Variants in ZNF536 observed in about 807,000 individuals in gnomAD.
The protein encoded by ZNF536 is zinc finger protein 536.
Under a neutral mutation model 84.5 loss-of-function variants are expected in ZNF536, and 13 were observed. That is an observed-to-expected ratio of 0.15 (90% CI 0.10 to 0.24). The LOEUF (loss-of-function observed/expected upper bound fraction) is 0.24. Ranked by LOEUF, ZNF536 falls within the 10% of genes least tolerant of loss-of-function variation. ZNF536 has a pLI of 1.00. For missense variants in ZNF536, 1,536 were observed against 1,747.5 expected (o/e 0.88, Z 2.16); for synonymous variants, 811 against 742.5 (o/e 1.09, Z -1.50).
chr19:30,322,304 TA>T (rs536596072), intron 2 of ZNF536, among the ~76,000 whole-genome samples: 1 of 152,150 alleles, frequency 6.6e-6, no homozygotes, highest in African/African-American at 2.4e-5. Flanking sequence ...TTTTTCTATA[TA>T]AAAAAATACT....
intron 1 of ZNF536, among the ~76,000 whole-genome samples, chr19:30,598,975 C>CCTT (rs2047568337): frequency 1.2e-5 from 1 of 83,140 alleles, no homozygotes; most frequent in African/African-American, 4.0e-5. Context: ...TTCCCTCCTT[C>CCTT]CCTCCCTCCC....
At chr19:30,543,976 C>T (rs2045442109) in intron 3 of ZNF536, among the ~76,000 whole-genome samples, 1 of 152,146 alleles carries the variant, frequency 6.6e-6, no homozygotes, top group South Asian at 2.1e-4. Context: ...CCCTGTGCCC[C>T]TTGTTGGATA....
At chr19:30,415,331 C>A (rs1388700656) in intron 1 of ZNF536, among the ~76,000 whole-genome samples, 1 of 138,332 alleles carries the variant, frequency 7.2e-6, no homozygotes, top group African/African-American at 2.7e-5. Flanking sequence ...CTTCTTCTTC[C>A]TCTTCTTCTT....
intron 2 of ZNF536, among the ~76,000 whole-genome samples, chr19:30,517,307 A>G (rs971920126): frequency 3.9e-5 from 6 of 151,944 alleles, no homozygotes; most frequent in African/African-American, 7.3e-5. Context: ...TGCCTAACTG[A>G]GATTATTAAG....
chr19:30,395,194 T>C (rs1321079375), intron 1 of ZNF536, among the ~76,000 whole-genome samples: 1 of 152,174 alleles, frequency 6.6e-6, no homozygotes, highest in Non-Finnish European at 1.5e-5. Flanking sequence ...TGAAAAGTGA[T>C]AAAAGAAGGA....
chr19:30,254,897 TAAAA>T (rs2024828767), intron 1 of ZNF536, among the ~76,000 whole-genome samples: 2 of 152,192 alleles, frequency 1.3e-5, no homozygotes, highest in African/African-American at 2.4e-5. Flanking sequence ...GCACTGGACT[TAAAA>T]GTCTTTAAAA....
At position 30,557,244 on chromosome 19, in the gene ZNF536, C is replaced by T. The variant is rs1319798464; in HGVS notation, c.*80C>T. 17 of 1,506,914 alleles carry T rather than the reference C, an allele frequency of 1.1e-5. No individual in the cohort carries two copies. Among genetic ancestry groups the T allele is most frequent in the Non-Finnish European group, 1.4e-5 (15 of 1,085,568 alleles). 93.3% of individuals were successfully genotyped at this position (1,506,914 alleles called of 1,614,324 possible). A position where few individuals can be genotyped will look rare whatever the true frequency, so the allele number is the denominator to read the frequency against. On this transcript the variant is annotated 3_prime_UTR_variant, in exon 5 of 5. Coordinates refer to ENST00000355537, the MANE Select transcript of ZNF536 (RefSeq NM_014717.3). ...CGGTGGTTATCTGCAGCTTGTTAAT[C>T]GTGTAAAGTCAAGAGAAGAATGTAT... is the stretch of plus-strand genomic sequence containing the variant.
At chr19:30,464,481 A>G (rs978925724) in intron 2 of ZNF536, among the ~76,000 whole-genome samples, 9 of 152,134 alleles carry the variant, frequency 5.9e-5, no homozygotes, top group African/African-American at 2.2e-4. Flanking sequence ...AAGGTCAGAA[A>G]GAACAAATTT....
chr19:30,433,699 G>A (rs1301560913), intron 1 of ZNF536, among the ~76,000 whole-genome samples: 2 of 152,148 alleles, frequency 1.3e-5, no homozygotes, highest in Non-Finnish European at 2.9e-5. Flanking sequence ...GTAACTCCAT[G>A]TTGGTCAGGC....
At chr19:30,353,092 G>A (rs1436835710) in intron 3 of ZNF536, among the ~76,000 whole-genome samples, 1 of 152,228 alleles carries the variant, frequency 6.6e-6, no homozygotes, top group African/African-American at 2.4e-5. Flanking sequence ...AATCTTGGCT[G>A]TTGAGAACCT....
At chr19:30,579,227 C>T (rs1324335447) in intron 1 of ZNF536, among the ~76,000 whole-genome samples, 1 of 152,286 alleles carries the variant, frequency 6.6e-6, no homozygotes, top group East Asian at 1.9e-4. Context: ...GATCGAATGA[C>T]TAATGGGTTT....
chr19:30,629,080 A>G (rs987537464), intron 1 of ZNF536, among the ~76,000 whole-genome samples: 3 of 152,180 alleles, frequency 2.0e-5, no homozygotes, highest in Non-Finnish European at 4.4e-5. Flanking sequence ...TGCAGCTGCT[A>G]TGTATGGGGC....
chr19:30,574,525 A>G (rs2046661561), intron 1 of ZNF536, among the ~76,000 whole-genome samples: 1 of 152,262 alleles, frequency 6.6e-6, no homozygotes, highest in African/African-American at 2.4e-5. Context: ...CTGATGCCCA[A>G]GGTCCAGCCA....
intron 1 of ZNF536, among the ~76,000 whole-genome samples, chr19:30,417,211 G>A (rs998366459): frequency 1.4e-5 from 2 of 141,476 alleles, no homozygotes; most frequent in Non-Finnish European, 3.0e-5. Context: ...TGGCCAGGCT[G>A]GTCTTGAACT....
chr19:30,499,710 G>T (rs2054872704), intron 2 of ZNF536, among the ~76,000 whole-genome samples: 1 of 152,186 alleles, frequency 6.6e-6, no homozygotes, highest in African/African-American at 2.4e-5. Context: ...TACAGCAGTT[G>T]TCTGGACTTC....
At chr19:30,311,309 G>T (rs951919066) in intron 2 of ZNF536, among the ~76,000 whole-genome samples, 1 of 152,190 alleles carries the variant, frequency 6.6e-6, no homozygotes, top group Non-Finnish European at 1.5e-5. Context: ...AAAGGCAGGT[G>T]CCCTTTTGCC....
intron 2 of ZNF536, among the ~76,000 whole-genome samples, chr19:30,501,767 C>T (rs2145325368): frequency 6.6e-6 from 1 of 152,332 alleles, no homozygotes; most frequent in East Asian, 1.9e-4. Flanking sequence ...TGAGGCACAT[C>T]CTATTTGATC....
chr19:30,576,958 C>T (rs1247992221), intron 1 of ZNF536, among the ~76,000 whole-genome samples: 2 of 152,124 alleles, frequency 1.3e-5, no homozygotes, highest in African/African-American at 4.8e-5. Context: ...ACTCTTTTGC[C>T]TGGTTTTATT....
At position 30,444,651 on chromosome 19, in the gene ZNF536, C is replaced by T. The variant is rs2052228353; in HGVS notation, c.1089C>T (p.His363=). 6.2e-7 allele frequency: 1 copy of T among 1,613,968 alleles called. No homozygotes were observed. The highest frequency in any genetic ancestry group is 8.5e-7 in the Non-Finnish European group (1 of 1,180,040). ...VFSQAWFLKG[H]MRKHKDSFEH... ...GCCAGGCGTGGTTCCTCAAGGGTCACATGCGCAAGCACAAAGACTCCTTTG... is the reference window on the plus strand; with the variant it reads ...GCCAGGCGTGGTTCCTCAAGGGTCATATGCGCAAGCACAAAGACTCCTTTG... Residue 363 remains histidine (H), a synonymous_variant, in exon 2 of 5, where the codon CAC becomes CAT. Coordinates refer to ENST00000355537, the MANE Select transcript of ZNF536 (RefSeq NM_014717.3).
Sources: allele counts gnomAD v4.1 joint callset (sites outside exome capture counted in the v4.1 genomes callset), GRCh38; gene constraint gnomAD v4.1.1; transcripts MANE v1.5; gene names NCBI Gene and HGNC (gene_info 2026-07-23, HGNC 2026-07-21).